The following CDH18 variants were observed in gnomAD, a reference collection of about 807,000 sequenced individuals.
CDH18 encodes cadherin 18.
Under a neutral mutation model 67.9 loss-of-function variants are expected in CDH18, and 31 were observed. The observed-to-expected ratio is 0.46, with a 90% CI of 0.34 to 0.62. The LOEUF (loss-of-function observed/expected upper bound fraction) is 0.62. CDH18 is among the 20% of genes least tolerant of loss of function. CDH18 has a pLI of 0.01. For synonymous variants in CDH18, 362 were observed against 347.2 expected, an observed-to-expected ratio of 1.04 and a Z score of -0.48; for missense variants, 890 against 975.5, an observed-to-expected ratio of 0.91 and a Z score of 1.17.
intron 2 of CDH18, among the ~76,000 whole-genome samples, chr5:20,074,114 G>T (rs888304143): frequency 1.3e-5 from 2 of 151,940 alleles, no homozygotes; most frequent in African/African-American, 4.8e-5. Flanking sequence ...ATGATAACTG[G>T]CTATAAGTTT....
intron 9 of CDH18, among the ~76,000 whole-genome samples, chr5:19,538,218 C>T (rs1749713165): frequency 6.6e-6 from 1 of 152,166 alleles, no homozygotes. Context: ...CCAGCTGGCA[C>T]ATGATCTCAG....
At chr5:19,775,147 C>T (rs1231382494) in intron 3 of CDH18, among the ~76,000 whole-genome samples, 2 of 152,062 alleles carry the variant, frequency 1.3e-5, no homozygotes, top group Non-Finnish European at 2.9e-5. Context: ...ATGCACCATA[C>T]TGGAAAAGCA....
intron 2 of CDH18, among the ~76,000 whole-genome samples, chr5:20,163,255 C>G (rs1393828470): frequency 6.6e-6 from 1 of 151,934 alleles, no homozygotes; most frequent in African/African-American, 2.4e-5. Flanking sequence ...CACCCTAATG[C>G]CCTTATCAAA....
chr5:19,473,219 T>C lies in CDH18; in HGVS notation c.*7A>G, dbSNP rs764535336. 2.5e-6 allele frequency: 4 copies of C among 1,610,922 alleles called. No individual in the cohort carries two copies. Among genetic ancestry groups the C allele is most frequent in the East Asian group, 4.5e-5 (2 of 44,812 alleles). ...GCAAATTCCACAAGGTTGCAAGAACTGACCCCCTAAGTTGTTCTTTCAGAT... is the reference window on the plus strand; with the variant it reads ...GCAAATTCCACAAGGTTGCAAGAACCGACCCCCTAAGTTGTTCTTTCAGAT... On this transcript the variant is annotated 3_prime_UTR_variant, in exon 13 of 13. Coordinates refer to ENST00000382275, the MANE Select transcript of CDH18 (RefSeq NM_004934.5).
At chr5:20,393,187 GAT>G (rs898846895) in intron 1 of CDH18, among the ~76,000 whole-genome samples, 4 of 151,916 alleles carry the variant, frequency 2.6e-5, no homozygotes, top group African/African-American at 7.2e-5. Context: ...ATAGGATAAA[GAT>G]AGTGTGGCTT....
intron 3 of CDH18, among the ~76,000 whole-genome samples, chr5:19,775,374 A>T (rs62353618): frequency 0.047 from 7,075 of 152,118 alleles, 205 homozygotes; most frequent in Non-Finnish European, 0.067. Flanking sequence ...TCCTGGTTCC[A>T]CAGGCTGTAC....
At position 20,396,119 on chromosome 5, in the gene CDH18, C is replaced by T. The variant is rs183742911; in HGVS notation, c.-579-140614G>A. Among the ~76,000 whole-genome samples, 112 of 152,316 alleles carry T rather than the reference C, an allele frequency of 7.4e-4. 2 individuals are homozygous for T. Among genetic ancestry groups the T allele is most frequent in the African/African-American group, 2.6e-3 (107 of 41,576 alleles). ...AGGAAGTTATGGAAACTTTAATTCA[C>T]TGAAGGTCATTCAGAAGTACAGGTC... is the stretch of plus-strand genomic sequence containing the variant. On this transcript the variant is annotated intron_variant, in intron 1 of 14. Coordinates refer to the CDH18 transcript ENST00000507958.
intron 1 of CDH18, among the ~76,000 whole-genome samples, chr5:20,501,953 A>T (rs963625840): frequency 6.6e-6 from 1 of 151,854 alleles, no homozygotes; most frequent in African/African-American, 2.4e-5. Context: ...AAAGAAATTG[A>T]GTTAGATTCT....
chr5:20,052,645 T>A (rs1741535617), intron 2 of CDH18, among the ~76,000 whole-genome samples: 1 of 152,064 alleles, frequency 6.6e-6, no homozygotes, highest in Admixed American at 6.6e-5. Flanking sequence ...TTGAGGTGAT[T>A]GGTATATAAA....
chr5:19,927,534 C>T (rs1793224608), intron 2 of CDH18, among the ~76,000 whole-genome samples: 1 of 152,000 alleles, frequency 6.6e-6, no homozygotes, highest in African/African-American at 2.4e-5. Context: ...ATAATAGTAA[C>T]ATATTTCCTT....
chr5:20,447,596 T>C (rs1750100186), intron 1 of CDH18, among the ~76,000 whole-genome samples: 2 of 152,148 alleles, frequency 1.3e-5, no homozygotes, highest in Non-Finnish European at 2.9e-5. Context: ...AGTTAACCAG[T>C]CTCACATATT....
At chr5:20,387,165 T>C (rs552553521) in intron 1 of CDH18, among the ~76,000 whole-genome samples, 87 of 152,326 alleles carry the variant, frequency 5.7e-4, no homozygotes, top group African/African-American at 1.8e-3. Flanking sequence ...TAAAAGTTTA[T>C]GGACATTTTC....
chr5:20,303,679 TCTGGTGATGGCGGTGGACCCCAAAAC>T (rs1205454080), intron 1 of CDH18, among the ~76,000 whole-genome samples: 1 of 151,802 alleles, frequency 6.6e-6, no homozygotes, highest in Non-Finnish European at 1.5e-5. Context: ...CAAAAGCCTC[TCTGGTGATGGCGGTGGACCCCAAAAC>T]CCACGGGTTG....
intron 2 of CDH18, among the ~76,000 whole-genome samples, chr5:20,037,412 C>T (rs1739973898): frequency 1.3e-5 from 2 of 152,086 alleles, no homozygotes; most frequent in African/African-American, 4.8e-5. Context: ...ACATTCTTCT[C>T]AGCACCACAT....
intron 5 of CDH18, among the ~76,000 whole-genome samples, chr5:19,634,464 C>T (rs1048881228): frequency 2.0e-5 from 3 of 152,080 alleles, no homozygotes; most frequent in South Asian, 2.1e-4. Context: ...CTCATTTGGT[C>T]GTAAGGCTAT....
chr5:20,191,921 G>C (rs1295199426), intron 2 of CDH18, among the ~76,000 whole-genome samples: 1 of 152,066 alleles, frequency 6.6e-6, no homozygotes, highest in Non-Finnish European at 1.5e-5. Flanking sequence ...CTAGATCCTT[G>C]AGGAGGTGTC....
intron 2 of CDH18, among the ~76,000 whole-genome samples, chr5:19,866,924 T>C (rs1273081186): frequency 6.6e-6 from 1 of 152,072 alleles, no homozygotes; most frequent in Non-Finnish European, 1.5e-5. Flanking sequence ...ACCTGGTCTC[T>C]ACTAAAAATA....
chr5:20,007,955 T>C (rs1022471320), intron 2 of CDH18, among the ~76,000 whole-genome samples: 1 of 152,020 alleles, frequency 6.6e-6, no homozygotes, highest in Non-Finnish European at 1.5e-5. Context: ...ACAGAGACCA[T>C]ATGGCCTGCA....
intron 4 of CDH18, among the ~76,000 whole-genome samples, chr5:19,730,570 T>C (rs1767455996): frequency 6.6e-6 from 1 of 152,208 alleles, no homozygotes; most frequent in Admixed American, 6.5e-5. Context: ...ATGCATCTTA[T>C]TTCTATGGAC....
Sources: allele counts gnomAD v4.1 joint callset (sites outside exome capture counted in the v4.1 genomes callset), GRCh38; gene constraint gnomAD v4.1.1; transcripts MANE v1.5; gene names NCBI Gene and HGNC (gene_info 2026-07-23, HGNC 2026-07-21).